DCC: variants seen among roughly 807,000 people sequenced by gnomAD.
DCC encodes the protein netrin receptor DCC.
Under a neutral mutation model 172.5 loss-of-function variants are expected in DCC, and 58 were observed. The ratio of observed to expected loss-of-function variants is 0.34; its 90% CI spans 0.27 to 0.42. The LOEUF is 0.42. Ranked by LOEUF, DCC falls within the 10% of genes least tolerant of loss-of-function variation. The pLI, the probability that DCC is intolerant of heterozygous loss-of-function variation, is 1.00. For synonymous variants in DCC, 709 were observed against 644.5 expected, an observed-to-expected ratio of 1.10 and a Z score of -1.52; for missense variants, 1,740 against 1,791.0, an observed-to-expected ratio of 0.97 and a Z score of 0.51.
chr18:52,916,339 G>A (rs2040040522), intron 3 of DCC, among the ~76,000 whole-genome samples: 1 of 151,838 alleles, frequency 6.6e-6, no homozygotes, highest in South Asian at 2.1e-4. Context: ...GCTACTTCAA[G>A]GAAAATAATA....
At chr18:53,117,903 T>C (rs929354208) in intron 7 of DCC, among the ~76,000 whole-genome samples, 4 of 151,872 alleles carry the variant, frequency 2.6e-5, no homozygotes, top group South Asian at 2.1e-4. Context: ...CTTTGATTTT[T>C]CCCCCATTCA....
chr18:52,693,722 T>C (rs2145017568), intron 1 of DCC, among the ~76,000 whole-genome samples: 1 of 152,104 alleles, frequency 6.6e-6, no homozygotes, highest in Non-Finnish European at 1.5e-5. Flanking sequence ...AGCCAGGGAC[T>C]GCTCAAAACA....
chr18:52,969,639 G>GTC (rs749335736), intron 5 of DCC, among the ~76,000 whole-genome samples: 1 of 134,748 alleles, frequency 7.4e-6, no homozygotes, highest in Non-Finnish European at 1.6e-5. Context: ...GACTCTCTGT[G>GTC]TCTCTCTCTC....
At chr18:52,376,599 GTTTC>G (rs1985359687) in intron 1 of DCC, among the ~76,000 whole-genome samples, 1 of 151,980 alleles carries the variant, frequency 6.6e-6, no homozygotes, top group Non-Finnish European at 1.5e-5. Context: ...AATATCTTTA[GTTTC>G]TTAACATTCC....
intron 5 of DCC, among the ~76,000 whole-genome samples, chr18:52,992,490 C>T (rs1435702734): frequency 6.6e-6 from 1 of 152,100 alleles, no homozygotes; most frequent in African/African-American, 2.4e-5. Flanking sequence ...TCCAACTACA[C>T]GTTTCTCTGG....
chr18:52,829,004 G>T (rs971409727), intron 2 of DCC, among the ~76,000 whole-genome samples: 1 of 152,130 alleles, frequency 6.6e-6, no homozygotes, highest in Non-Finnish European at 1.5e-5. Context: ...ATATGATTTT[G>T]TTTGCTTATA....
At chr18:53,360,982 GA>G (rs1414663389) in intron 15 of DCC, among the ~76,000 whole-genome samples, 7 of 152,094 alleles carry the variant, frequency 4.6e-5, no homozygotes, top group Non-Finnish European at 1.0e-4. Context: ...ACCTTAGATG[GA>G]AAAGGGGTCT....
At chr18:53,178,837 C>A in intron 8 of DCC, 125 bp from the exon 9 acceptor site, 1 of 891,042 alleles carries the variant, frequency 1.1e-6, no homozygotes, top group East Asian at 2.5e-5. Context: ...AATTATGTCC[C>A]AGAGTCAACA....
chr18:53,129,913 A>T (rs1277774323), intron 7 of DCC, among the ~76,000 whole-genome samples: 2 of 152,164 alleles, frequency 1.3e-5, no homozygotes, highest in Admixed American at 6.6e-5. Flanking sequence ...AAACATCTAA[A>T]CCCTAGAGTA....
chr18:53,234,016 C>T (rs987135434), intron 12 of DCC, among the ~76,000 whole-genome samples: 4 of 152,046 alleles, frequency 2.6e-5, no homozygotes, highest in South Asian at 2.1e-4. Flanking sequence ...TTTGGGAGGC[C>T]GAGGAGGGCA....
intron 12 of DCC, among the ~76,000 whole-genome samples, chr18:53,224,614 A>T (rs984420296): frequency 6.6e-6 from 1 of 152,152 alleles, no homozygotes; most frequent in African/African-American, 2.4e-5. Flanking sequence ...CCTAGGAGTC[A>T]TAGGAGGTGA....
chr18:52,389,589 T>C (rs1396302028), intron 1 of DCC, among the ~76,000 whole-genome samples: 1 of 152,098 alleles, frequency 6.6e-6, no homozygotes, highest in Non-Finnish European at 1.5e-5. Flanking sequence ...ACATAGTACA[T>C]AGTCATGCAA....
intron 2 of DCC, among the ~76,000 whole-genome samples, chr18:52,763,265 A>G (rs919115855): frequency 6.6e-6 from 1 of 152,244 alleles, no homozygotes; most frequent in Admixed American, 6.5e-5. Flanking sequence ...TTAAAGATTA[A>G]TAAAGCCTAT....
chr18:52,355,812 T>A (rs973104317), intron 1 of DCC, among the ~76,000 whole-genome samples: 1 of 152,086 alleles, frequency 6.6e-6, no homozygotes, highest in Non-Finnish European at 1.5e-5. Flanking sequence ...GAGGTGCAGT[T>A]AGAGGAGAGA....
chr18:53,195,589 C>T (rs181531345), intron 9 of DCC, among the ~76,000 whole-genome samples: 13 of 152,264 alleles, frequency 8.5e-5, no homozygotes, highest in African/African-American at 2.6e-4. Flanking sequence ...AAGCCTTCCA[C>T]GAGGTATAGG....
intron 20 of DCC, among the ~76,000 whole-genome samples, chr18:53,412,979 C>G: frequency 6.6e-6 from 1 of 152,180 alleles, no homozygotes; most frequent in East Asian, 1.9e-4. Flanking sequence ...GGAACCTGCA[C>G]ATACCCACCT....
intron 15 of DCC, among the ~76,000 whole-genome samples, chr18:53,368,372 C>T (rs575177004): frequency 2.0e-5 from 3 of 152,132 alleles, no homozygotes; most frequent in Admixed American, 2.0e-4. Context: ...ACCCTTTATT[C>T]TATAGTATGG....
chr18:52,623,020 T>C (rs1335903819), intron 1 of DCC, among the ~76,000 whole-genome samples: 1 of 152,214 alleles, frequency 6.6e-6, no homozygotes, highest in East Asian at 1.9e-4. Flanking sequence ...TTTCCACTTT[T>C]CTTATCCTCT....
intron 5 of DCC, among the ~76,000 whole-genome samples, chr18:52,980,489 G>A (rs2041192527): frequency 6.6e-6 from 1 of 151,722 alleles, no homozygotes; most frequent in East Asian, 1.9e-4. Flanking sequence ...TTCATTTGTT[G>A]GCTCGTTTCA....
Sources: allele counts gnomAD v4.1 joint callset (sites outside exome capture counted in the v4.1 genomes callset), GRCh38; gene constraint gnomAD v4.1.1; transcripts MANE v1.5; gene names NCBI Gene and HGNC (gene_info 2026-07-23, HGNC 2026-07-21).